PCDHGB5: variants seen among roughly 807,000 people sequenced by gnomAD.
PCDHGB5 encodes the protein protocadherin gamma subfamily B, 5, also known as protocadherin gamma-B5.
PCDHGB5 carries 48 observed loss-of-function variants against 62.9 expected under a neutral mutation model. The ratio of observed to expected loss-of-function variants is 0.76; its 90% CI spans 0.61 to 0.97. The LOEUF (loss-of-function observed/expected upper bound fraction) is 0.97. Ranked by LOEUF, PCDHGB5 falls within the 50% of genes least tolerant of loss-of-function variation. PCDHGB5 has a pLI of 0.00. For missense variants in PCDHGB5, 1,118 were observed against 1,198.6 expected, an observed-to-expected ratio of 0.93 and a Z score of 0.99; for synonymous variants, 474 against 511.2, an observed-to-expected ratio of 0.93 and a Z score of 0.98.
intron 1 of PCDHGB5, among the ~76,000 whole-genome samples, chr5:141,463,438 C>CTTTTTTTTT (rs71576115): frequency 4.8e-5 from 5 of 103,252 alleles, no homozygotes; most frequent in African/African-American, 2.2e-4. Context: ...TTTCCTTCTC[C>CTTTTTTTTT]TTTTTTTTTT....
At chr5:141,405,473 G>A in intron 1 of PCDHGB5, 3 of 1,066,958 alleles carry the variant, frequency 2.8e-6, no homozygotes, top group Non-Finnish European at 4.0e-6. Flanking sequence ...AGGCTGGAAT[G>A]CAGTGGTGTG....
rs201857404 is a variant in PCDHGB5, at chr5:141,485,844, G to C, written c.2398-8963G>C. The C allele has an allele frequency of 1.1e-5, 18 of 1,613,772 alleles. No homozygotes were observed. The highest frequency in any genetic ancestry group is 1.4e-5 in the Non-Finnish European group (16 of 1,179,956). ...GATGGAGGGAACCCGCCGAGATCTG[G>C]CACCGCAGAGCTCCGGGTATCCGTG... is the stretch of plus-strand genomic sequence containing the variant. On this transcript the variant is annotated intron_variant, in intron 1 of 3. Transcript: ENST00000617380. This position sits in a 1 kb window ranked among gnomAD's most constrained non-coding sequence, Gnocchi z 5.7.
At position 141,398,367 on chromosome 5, in the gene PCDHGB5, G is replaced by A; in HGVS notation, c.240G>A (p.Glu80=). ...AGCCTTACTTCACCGTGAGCGCAGA[G>A]AGCGGGGAGTTGCTTGTGAGCAGCA... ...SEKPYFTVSA[E]SGELLVSSRL... Residue 80 remains glutamate (E), a synonymous_variant, in exon 1 of 4, where the codon GAG becomes GAA. Coordinates refer to ENST00000617380, the MANE Select transcript of PCDHGB5 (RefSeq NM_018925.3). The A allele has an allele frequency of 7.0e-7, 1 of 1,430,476 alleles. No homozygotes were observed. The highest frequency in any genetic ancestry group is 9.7e-7 in the Non-Finnish European group (1 of 1,031,114). The allele number at this position is 1,430,476 out of a possible 1,614,324, so 88.6% of individuals were successfully genotyped here.
At chr5:141,450,815 A>T (rs183350620) in intron 1 of PCDHGB5, among the ~76,000 whole-genome samples, 1,650 of 126,706 alleles carry the variant, frequency 0.013, 15 homozygotes, top group African/African-American at 0.032. Context: ...TATTTATTTA[A>T]TATTATTATT....
intron 1 of PCDHGB5, among the ~76,000 whole-genome samples, chr5:141,494,328 G>T (rs1595238527): frequency 6.6e-6 from 1 of 152,200 alleles, no homozygotes; most frequent in Non-Finnish European, 1.5e-5. Flanking sequence ...CACCAAAAGG[G>T]TTACCAAGAA....
intron 1 of PCDHGB5, among the ~76,000 whole-genome samples, chr5:141,454,371 G>A (rs901551817): frequency 6.6e-6 from 1 of 152,096 alleles, no homozygotes; most frequent in Non-Finnish European, 1.5e-5. Context: ...AAGGAGTATG[G>A]CAACTTGTCA....
Position 141,487,297 on chromosome 5 carries a change from C to T in PCDHGB5, c.2398-7510C>T, listed in dbSNP as rs770262058. ...TTTGCTTTGTCTCCTTTGGCTCATT[C>T]GTGGCACTACTCTCTAAGTGTCTTC... On this transcript the variant is annotated intron_variant, in intron 1 of 3. Coordinates refer to ENST00000617380, the MANE Select transcript of PCDHGB5 (RefSeq NM_018925.3). This position sits in a 1 kb window ranked among gnomAD's most constrained non-coding sequence, Gnocchi z 5.0. The T allele has an allele frequency of 3.2e-5, 52 of 1,613,984 alleles. No homozygotes were observed. The highest frequency in any genetic ancestry group is 4.0e-5 in the African/African-American group (3 of 74,912).
chr5:141,398,633 A>G lies in PCDHGB5; in HGVS notation c.506A>G (p.Lys169Arg). The change falls in exon 1 of 4, where the codon AAG becomes AGG. Residue 169 changes from lysine (K) to arginine (R), a missense_variant. Physicochemically the swap from Lys to Arg is conservative, Grantham distance 26 (BLOSUM62 2). This residue lies in a region of PCDHGB5 where 1,034 missense variants were observed against 1,029.1 expected (regional missense o/e 1.00). Coordinates refer to ENST00000617380, the MANE Select transcript of PCDHGB5 (RefSeq NM_018925.3). Reference protein sequence around the residue: ...DADIGLNSLQKYKLSLNPSFS... With the variant: ...DADIGLNSLQRYKLSLNPSFS... ...GATATTGGCTTAAACTCTCTGCAGAAGTATAAACTCTCTCTTAACCCAAGT... is the reference window on the plus strand; with the variant it reads ...GATATTGGCTTAAACTCTCTGCAGAGGTATAAACTCTCTCTTAACCCAAGT... 1 of 1,614,064 alleles carries G rather than the reference A, an allele frequency of 6.2e-7. No homozygotes were observed. The highest frequency in any genetic ancestry group is 8.5e-7 in the Non-Finnish European group (1 of 1,179,900).
Position 141,491,844 on chromosome 5 carries a change from G to A in PCDHGB5, c.2398-2963G>A. On this transcript the variant is annotated intron_variant, in intron 1 of 3. Transcript: ENST00000617380. The surrounding 1 kb of genome is among the most constrained non-coding windows in gnomAD (Gnocchi z 6.9). ...GCTCCACCCGATTCTCGGGATCATT[G>A]GACCGTTTGCGCGAAACCAGAGTGG... 1 of 1,464,184 alleles carries A rather than the reference G, an allele frequency of 6.8e-7. No homozygotes were observed. 90.7% of individuals were successfully genotyped at this position (1,464,184 alleles called of 1,614,324 possible).
At chr5:141,402,162 A>T (rs2150923142) in intron 1 of PCDHGB5, among the ~76,000 whole-genome samples, 1 of 152,306 alleles carries the variant, frequency 6.6e-6, no homozygotes, top group East Asian at 1.9e-4. Context: ...TTAGGCGAGA[A>T]CATCTGTAAC....
At position 141,487,710 on chromosome 5, in the gene PCDHGB5, G is replaced by A. The variant is rs199722860; in HGVS notation, c.2398-7097G>A. ...CTAGAGAGTACTGGCCTCTCAGTAA[G>A]TGCCCATAGTGATGTCACCATTTTT... On this transcript the variant is annotated intron_variant, in intron 1 of 3. Transcript: ENST00000617380. The surrounding 1 kb of genome is among the most constrained non-coding windows in gnomAD (Gnocchi z 5.0). 3.8e-4 allele frequency: 596 copies of A among 1,586,168 alleles called. No individual in the cohort carries two copies. The highest frequency in any genetic ancestry group is 4.5e-4 in the Non-Finnish European group (529 of 1,164,386).
At chr5:141,417,700 A>G in intron 1 of PCDHGB5, 1 of 1,180,094 alleles carries the variant, frequency 8.5e-7, no homozygotes, top group Admixed American at 3.0e-5. Flanking sequence ...ACCAGCTCCC[A>G]CACAGAGGCT....
In PCDHGB5 at chr5:141,419,577, C is replaced by A. The variant is rs1182305164; in HGVS notation, c.2397+19053C>A. ...CCTGCGCTGGGTCCCGACGGCTCCG[C>A]GCTCTTCGACACAGTGCCGCGGGCC... On this transcript the variant is annotated intron_variant, in intron 1 of 3. Coordinates refer to ENST00000617380, the MANE Select transcript of PCDHGB5 (RefSeq NM_018925.3). 3.1e-6 allele frequency: 5 copies of A among 1,611,732 alleles called. No individual in the cohort carries two copies. The South Asian group carries it at 5.5e-5, about 18-fold the overall frequency.
intron 1 of PCDHGB5, chr5:141,410,438 G>A (rs957017717): frequency 2.5e-6 from 4 of 1,613,894 alleles, no homozygotes; most frequent in African/African-American, 2.7e-5. Flanking sequence ...CTACAGTGAG[G>A]GGACTTTGCC....
Position 141,420,738 on chromosome 5 carries a change from T to C in PCDHGB5, c.2397+20214T>C, listed in dbSNP as rs550966989. 1.5e-4 allele frequency among the ~76,000 whole-genome samples: 23 copies of C among 152,358 alleles called. 1 individual carries two copies. In the South Asian group the frequency reaches 4.6e-3, roughly 30 times the overall value. ...GTTCCTTTCAGTCGGTTAAAATCAA[T>C]TGGAACCAACTACAACCTACAAGTT... On this transcript the variant is annotated intron_variant, in intron 1 of 3. Transcript: ENST00000617380.
rs1039645331 is a variant in PCDHGB5, at chr5:141,420,373, T to C, written c.2397+19849T>C. ...TTTAAGATTCTAGATAACTTCTTCA[T>C]AGAGTTCGCAAAATATAGGTCAAAT... is the stretch of plus-strand genomic sequence containing the variant. On this transcript the variant is annotated intron_variant, in intron 1 of 3. Coordinates refer to ENST00000617380, the MANE Select transcript of PCDHGB5 (RefSeq NM_018925.3). 21 of 1,337,592 alleles carry C rather than the reference T, an allele frequency of 1.6e-5. No homozygotes were observed. In the African/African-American group the frequency reaches 2.4e-4, roughly 15 times the overall value. The allele number at this position is 1,337,592 out of a possible 1,614,324, so 82.9% of individuals were successfully genotyped here. A position where few individuals can be genotyped will look rare whatever the true frequency, so the allele number is the denominator to read the frequency against.
intron 1 of PCDHGB5, among the ~76,000 whole-genome samples, chr5:141,453,288 A>AT (rs2098760999): frequency 2.0e-5 from 3 of 151,342 alleles, no homozygotes; most frequent in African/African-American, 7.3e-5. Flanking sequence ...TAATTTTTTA[A>AT]TTATTTATTT....
chr5:141,502,866 CTT>C (rs549047197), intron 2 of PCDHGB5, among the ~76,000 whole-genome samples: 3 of 127,996 alleles, frequency 2.3e-5, no homozygotes, highest in Admixed American at 8.6e-5. Flanking sequence ...GACTCTCTGT[CTT>C]TTTTTTTTTT....
In PCDHGB5 at chr5:141,485,848, C is replaced by T; in HGVS notation, c.2398-8959C>T. On this transcript the variant is annotated intron_variant, in intron 1 of 3. Coordinates refer to ENST00000617380, the MANE Select transcript of PCDHGB5 (RefSeq NM_018925.3). This position sits in a 1 kb window ranked among gnomAD's most constrained non-coding sequence, Gnocchi z 5.7. ...GAGGGAACCCGCCGAGATCTGGCAC[C>T]GCAGAGCTCCGGGTATCCGTGCTGG... The T allele has an allele frequency of 1.2e-6, 2 of 1,614,194 alleles. No homozygotes were observed. Among genetic ancestry groups the T allele is most frequent in the South Asian group, 2.2e-5 (2 of 91,080 alleles).
Sources: allele counts gnomAD v4.1 joint callset (sites outside exome capture counted in the v4.1 genomes callset), GRCh38; gene constraint gnomAD v4.1.1; regional missense constraint gnomAD v4.1.1; non-coding constraint Gnocchi (gnomAD v3.1); transcripts MANE v1.5; gene names NCBI Gene and HGNC (gene_info 2026-07-23, HGNC 2026-07-21).